KIAA0930: variants seen among roughly 807,000 people sequenced by gnomAD.
The protein encoded by KIAA0930 is KIAA0930.
A neutral mutation model predicts 43.9 loss-of-function variants in KIAA0930; 24 were observed. That is an observed-to-expected ratio of 0.55 (90% CI 0.40 to 0.77). The LOEUF (loss-of-function observed/expected upper bound fraction) is 0.77, where lower values mean the gene tolerates loss of function less well. Among genes scored for constraint, KIAA0930 ranks in the 30% least tolerant of loss-of-function variants. The pLI is 0.00. For synonymous variants in KIAA0930, 259 were observed against 216.4 expected (o/e 1.20, Z -1.73); for missense variants, 461 against 574.2 (o/e 0.80, Z 2.02).
chr22:45,240,551 C>G (rs1346252395), intron 1 of KIAA0930, 89 bp downstream of exon 1: 6 of 914,080 alleles, frequency 6.6e-6, no homozygotes, highest in Admixed American at 2.3e-5. Context: ...GACAGAGATG[C>G]GCGGGGCGCA....
chr22:45,206,280 G>C (rs182361832), intron 2 of KIAA0930, among the ~76,000 whole-genome samples: 2 of 152,174 alleles, frequency 1.3e-5, no homozygotes, highest in Admixed American at 6.5e-5. Context: ...ACCTCCCAAA[G>C]TACTGGGATT....
chr22:45,227,716 C>T (rs987393912), intron 1 of KIAA0930, among the ~76,000 whole-genome samples: 1 of 152,136 alleles, frequency 6.6e-6, no homozygotes, highest in African/African-American at 2.4e-5. Flanking sequence ...CAACTGTCCC[C>T]GGGAGAGAAC....
intron 1 of KIAA0930, among the ~76,000 whole-genome samples, chr22:45,213,806 T>A (rs1029588862): frequency 6.6e-6 from 1 of 152,052 alleles, no homozygotes; most frequent in African/African-American, 2.4e-5. Context: ...GGTCAGGAGT[T>A]CAAGACCAGC....
chr22:45,200,991 G>C (rs1329738969), intron 7 of KIAA0930: 1 of 531,022 alleles, frequency 1.9e-6, no homozygotes, highest in Non-Finnish European at 3.9e-6. Context: ...CCAGCCAGAG[G>C]GAACTTGGCC....
chr22:45,222,772 A>G (rs2083775308), intron 1 of KIAA0930, among the ~76,000 whole-genome samples: 1 of 152,152 alleles, frequency 6.6e-6, no homozygotes, highest in Admixed American at 6.5e-5. Flanking sequence ...TACACAATGC[A>G]TAAGAAAATA....
intron 1 of KIAA0930, among the ~76,000 whole-genome samples, chr22:45,239,322 G>C (rs998276759): frequency 6.6e-6 from 1 of 152,254 alleles, no homozygotes. Context: ...TTTGCAGAAT[G>C]AATGAATAAG....
intron 7 of KIAA0930, chr22:45,202,663 C>G (rs2083599185): frequency 4.2e-6 from 1 of 239,324 alleles, no homozygotes; most frequent in African/African-American, 2.2e-5. Context: ...TGCCCACTGG[C>G]TCTGTGGACT....
intron 7 of KIAA0930, 189 bp from the exon 8 acceptor site, chr22:45,200,224 C>G: frequency 2.0e-6 from 1 of 503,992 alleles, no homozygotes; most frequent in South Asian, 4.3e-5. Flanking sequence ...GCGTTCCAGC[C>G]CAGGGGCCAG....
rs1476004375 is a variant in KIAA0930 at position 45,205,458 on chromosome 22, G to A, written c.415-140C>T. On this transcript the variant is annotated intron_variant, in intron 4 of 9. Coordinates refer to ENST00000336156, the MANE Select transcript of KIAA0930 (RefSeq NM_001009880.2). ...ACCTACCAGGAGATGTGGGGGATAA[G>A]CTGGTTCTGTGCTCCTCGAATGGGA... 3.3e-6 allele frequency: 3 copies of A among 919,760 alleles called. No individual in the cohort carries two copies. The Admixed American group carries it at 6.3e-5, about 19-fold the overall frequency. The allele number at this position is 919,760 out of a possible 1,614,324, so 57.0% of individuals were successfully genotyped here. A position where few individuals can be genotyped will look rare whatever the true frequency, so the allele number is the denominator to read the frequency against.
At chr22:45,237,468 C>A (rs1411738564) in intron 1 of KIAA0930, among the ~76,000 whole-genome samples, 1 of 152,212 alleles carries the variant, frequency 6.6e-6, no homozygotes, top group African/African-American at 2.4e-5. Flanking sequence ...CCTTTCATCA[C>A]GAGAGCTGAG....
At chr22:45,234,691 T>C (rs1601828683) in intron 1 of KIAA0930, among the ~76,000 whole-genome samples, 1 of 152,216 alleles carries the variant, frequency 6.6e-6, no homozygotes, top group Non-Finnish European at 1.5e-5. Context: ...AAGTTATTTC[T>C]AACAGTGAAA....
At chr22:45,199,443 A>G (rs1490278168) in intron 8 of KIAA0930, among the ~76,000 whole-genome samples, 1 of 152,196 alleles carries the variant, frequency 6.6e-6, no homozygotes, top group African/African-American at 2.4e-5. Flanking sequence ...CAGAGCCAGG[A>G]GGGCCAGGCC....
intron 1 of KIAA0930, among the ~76,000 whole-genome samples, chr22:45,235,764 C>A (rs1352293068): frequency 6.6e-6 from 1 of 152,236 alleles, no homozygotes; most frequent in Non-Finnish European, 1.5e-5. Flanking sequence ...CATACAATCC[C>A]TAAGTCCCTA....
rs755160878 is a variant in KIAA0930 at position 45,203,179 on chromosome 22, G to A, written c.663C>T (p.Ser221=). 27 of 1,599,990 alleles carry A rather than the reference G, an allele frequency of 1.7e-5. No individual in the cohort carries two copies. Among genetic ancestry groups the A allele is most frequent in the Non-Finnish European group, 2.0e-5 (24 of 1,171,904 alleles). Residue 221 remains serine, a synonymous_variant, in exon 7 of 10, where the codon AGC becomes AGT. Coordinates refer to ENST00000336156, the MANE Select transcript of KIAA0930 (RefSeq NM_001009880.2). ...ALKKVYDNRV[S]VAARMAQKMS... ...TCTTCTGTGCCATGCGGGCGGCCAC[G>A]CTCACCTGGGGGCCGGCGCGGGGCA...
Position 45,205,681 on chromosome 22 carries a change from C to T in KIAA0930, c.363G>A (p.Val121=), listed in dbSNP as rs1371126058. ...QKLDYMVTCA[V]CTRADGGDIH... ...TGTCCCCGCCGTCAGCACGTGTGCA[C>T]ACCGCACAGGTCACCATGTAGTCCA... Residue 121 remains valine (V), a synonymous_variant, in exon 4 of 10, where the codon GTG becomes GTA. Coordinates refer to ENST00000336156, the MANE Select transcript of KIAA0930 (RefSeq NM_001009880.2). The T allele has an allele frequency of 6.2e-7, 1 of 1,614,134 alleles. No homozygotes were observed. The highest frequency in any genetic ancestry group is 8.5e-7 in the Non-Finnish European group (1 of 1,180,036).
In KIAA0930 at chr22:45,240,677, G is replaced by A; in HGVS notation, c.27C>T (p.Arg9=). The part of the protein sequence containing the change: MLRAIAEE[R]GRLSLRREVC... ...CCTCGCGGCGCAGGCTAAGACGGCC[G>A]CGCTCCTCCGCTATGGCACGCAGCA... The change falls in exon 1 of 10, where the codon CGC becomes CGT. Residue 9 remains arginine (R), a synonymous_variant. Coordinates refer to ENST00000336156, the MANE Select transcript of KIAA0930 (RefSeq NM_001009880.2). 2 of 1,521,928 alleles carry A rather than the reference G, an allele frequency of 1.3e-6. No homozygotes were observed. The highest frequency in any genetic ancestry group is 1.8e-6 in the Non-Finnish European group (2 of 1,141,086). 94.3% of individuals were successfully genotyped at this position (1,521,928 alleles called of 1,614,324 possible).
chr22:45,217,548 T>G (rs2083741562), intron 1 of KIAA0930, among the ~76,000 whole-genome samples: 1 of 152,078 alleles, frequency 6.6e-6, no homozygotes, highest in Non-Finnish European at 1.5e-5. Context: ...CAGGGCCATT[T>G]TAAAGCACTG....
intron 7 of KIAA0930, among the ~76,000 whole-genome samples, chr22:45,200,532 C>T (rs1188087471): frequency 6.6e-6 from 1 of 152,158 alleles, no homozygotes; most frequent in Admixed American, 6.5e-5. Flanking sequence ...TCTTCTGTCC[C>T]CCAGGGCCAC....
chr22:45,240,400 G>A (rs1054126173), intron 1 of KIAA0930, among the ~76,000 whole-genome samples: 5 of 152,184 alleles, frequency 3.3e-5, no homozygotes, highest in African/African-American at 9.7e-5. Context: ...GGGAGACGCC[G>A]AATGAGACCC....
Sources: allele counts gnomAD v4.1 joint callset (sites outside exome capture counted in the v4.1 genomes callset), GRCh38; gene constraint gnomAD v4.1.1; transcripts MANE v1.5; gene names NCBI Gene and HGNC (gene_info 2026-07-23, HGNC 2026-07-21).